Variants in GOLGB1 observed in about 807,000 individuals in gnomAD.
The protein encoded by GOLGB1 is golgin subfamily B member 1.
A neutral mutation model predicts 336.9 loss-of-function variants in GOLGB1; 174 were observed. That is an observed-to-expected ratio of 0.52 (90% confidence interval 0.46 to 0.59). GOLGB1 has a LOEUF of 0.59. Ranked by LOEUF, GOLGB1 falls within the 20% of genes least tolerant of loss-of-function variation. The pLI is 0.00. For missense variants in GOLGB1, 3,331 were observed against 3,645.3 expected (o/e 0.91, Z 2.22); for synonymous variants, 1,208 against 1,289.2 (o/e 0.94, Z 1.35).
At position 121,694,489 on chromosome 3, in the gene GOLGB1, C is replaced by A; in HGVS notation, c.6034G>T (p.Ala2012Ser). The A allele has an allele frequency of 6.2e-7, 1 of 1,611,440 alleles. No individual in the cohort carries two copies. The highest frequency in any genetic ancestry group is 1.1e-5 in the South Asian group (1 of 90,426). Residue 2012 changes from alanine to serine, a missense_variant, in exon 13 of 22, where the codon GCA becomes TCA. Transcript: ENST00000614479. ...AQKEPGNKSHAKELQELLKEK... is the reference protein window; with the variant it reads ...AQKEPGNKSHSKELQELLKEK... Reference sequence around the variant, plus strand: ...TTTAACAGTTCCTGAAGTTCCTTTGCATGGCTTTTATTTCCGGGTTCTTTC... The same window carrying A: ...TTTAACAGTTCCTGAAGTTCCTTTGAATGGCTTTTATTTCCGGGTTCTTTC...
chr3:121,727,312 ATATATATATTT>A (rs1314083877), intron 4 of GOLGB1, among the ~76,000 whole-genome samples: 6 of 35,542 alleles, frequency 1.7e-4, no homozygotes, highest in Non-Finnish European at 3.5e-4. Flanking sequence ...ATATATATAT[ATATATATATTT>A]TTTTTTTTTT....
rs747516596 is a variant in GOLGB1, at chr3:121,697,951, G to A, written c.2572C>T (p.Arg858Cys). 9.9e-6 allele frequency: 16 copies of A among 1,613,926 alleles called. No homozygotes were observed. Among genetic ancestry groups the A allele is most frequent in the South Asian group, 6.6e-5 (6 of 91,084 alleles). Residue 858 changes from arginine (R) to cysteine (C), a missense_variant, in exon 13 of 22, where the codon CGT becomes TGT. Coordinates refer to ENST00000614479, the MANE Select transcript of GOLGB1 (RefSeq NM_001366282.2). ...ACTTTACTTGAGATATGCCTTACAC[G>A]TTCTGCCCCCTCAAGCACTTCACTT... is the stretch of plus-strand genomic sequence containing the variant. ...KESEVLEGAE[R>C]VRHISSKVEE...
intron 10 of GOLGB1, among the ~76,000 whole-genome samples, chr3:121,710,873 A>C (rs1944306009): frequency 7.2e-6 from 1 of 138,704 alleles, no homozygotes; most frequent in Admixed American, 7.0e-5. Flanking sequence ...AAAATAAGTA[A>C]AATTTTAAAA....
In GOLGB1 at chr3:121,698,735, C is replaced by G; in HGVS notation, c.1788G>C (p.Glu596Asp). 1 of 1,613,558 alleles carries G rather than the reference C, an allele frequency of 6.2e-7. No individual in the cohort carries two copies. Among genetic ancestry groups the G allele is most frequent in the Non-Finnish European group, 8.5e-7 (1 of 1,179,606 alleles). The stretch of plus-strand genomic sequence containing the variant: ...GTTTCATTTCTTTCTGGTCAAGGAC[C>G]TCATGATCTGCTTCCTCAGCCCTTT... Reference protein sequence around the residue: ...QGKRAEEADHEVLDQKEMKQM... With the variant: ...QGKRAEEADHDVLDQKEMKQM... The change falls in exon 13 of 22, where the codon GAG (glutamate) becomes GAC (aspartate). Residue 596 changes from glutamate to aspartate, a missense_variant. By Grantham distance (45) the Glu-to-Asp change is conservative. Transcript: ENST00000614479.
chr3:121,715,055 T>C, intron 9 of GOLGB1, 79 bp from the exon 10 acceptor site: 2 of 767,178 alleles, frequency 2.6e-6, no homozygotes, highest in Non-Finnish European at 4.5e-6. Context: ...AAAGATACAC[T>C]GTATGCTGTT....
intron 17 of GOLGB1, among the ~76,000 whole-genome samples, chr3:121,674,051 T>C (rs1939975926): frequency 6.6e-6 from 1 of 152,196 alleles, no homozygotes; most frequent in South Asian, 2.1e-4. Flanking sequence ...TTTTCCAGAT[T>C]GTTTGCTGTT....
At chr3:121,747,628 GC>G (rs1947461175) in intron 1 of GOLGB1, among the ~76,000 whole-genome samples, 1 of 151,720 alleles carries the variant, frequency 6.6e-6, no homozygotes, top group South Asian at 2.1e-4. Flanking sequence ...GTACTAAATG[GC>G]AAAAGCATGT....
chr3:121,665,261 A>G (rs928211313), intron 20 of GOLGB1, among the ~76,000 whole-genome samples: 7 of 152,244 alleles, frequency 4.6e-5, no homozygotes, highest in African/African-American at 1.7e-4. Context: ...CTCACTATGT[A>G]TCAGGCTCTA....
At chr3:121,727,190 G>A (rs1945681558) in intron 4 of GOLGB1, 149 bp from the exon 5 acceptor site, 1 of 389,738 alleles carries the variant, frequency 2.6e-6, no homozygotes, top group African/African-American at 2.2e-5. Flanking sequence ...TAACAAATAA[G>A]AAATCTTAGG....
chr3:121,746,894 C>G (rs900034998), intron 1 of GOLGB1, among the ~76,000 whole-genome samples: 1 of 151,006 alleles, frequency 6.6e-6, no homozygotes, highest in South Asian at 2.1e-4. Context: ...TCACATAGTT[C>G]GACAAAGCTT....
In GOLGB1 at chr3:121,697,436, C is replaced by G; in HGVS notation, c.3087G>C (p.Lys1029Asn). 6.2e-7 allele frequency: 1 copy of G among 1,611,388 alleles called. No homozygotes were observed. The highest frequency in any genetic ancestry group is 8.5e-7 in the Non-Finnish European group (1 of 1,179,494). Residue 1029 changes from lysine to asparagine, a missense_variant, in exon 13 of 22, where the codon AAG becomes AAC. Lys to Asn is a moderately conservative substitution (Grantham distance 94). Transcript: ENST00000614479. ...CAGTCTCACTGAGTGGGATTTCTTT[C>G]TTAGATTCATCTTTCAAGTTGGCTA... The part of the protein sequence containing the change: ...EELANLKDES[K>N]KEIPLSETER...
chr3:121,727,287 C>CAA (rs1316465763), intron 4 of GOLGB1, among the ~76,000 whole-genome samples: 1 of 47,630 alleles, frequency 2.1e-5, no homozygotes, highest in African/African-American at 5.9e-5. Flanking sequence ...TACATACACA[C>CAA]ACACACATAT....
chr3:121,696,095 A>T lies in GOLGB1; in HGVS notation c.4428T>A (p.Ile1476=), dbSNP rs1390431360. The stretch of plus-strand genomic sequence containing the variant: ...GTTGCTTTGCTCTACTTTCTTCTCC[A>T]ATCTCTTCTGGTTTTTGCTTCATTT... The part of the protein sequence containing the change: ...LCEMKQKPEE[I]GEESRAKQQI... Residue 1476 remains isoleucine (I), a synonymous_variant, in exon 13 of 22, where the codon ATT becomes ATA. Coordinates refer to ENST00000614479, the MANE Select transcript of GOLGB1 (RefSeq NM_001366282.2). The T allele has an allele frequency of 2.5e-6, 4 of 1,613,780 alleles. No individual in the cohort carries two copies. The highest frequency in any genetic ancestry group is 1.7e-6 in the Non-Finnish European group (2 of 1,179,930).
At chr3:121,704,864 T>TA (rs908167793) in intron 10 of GOLGB1, among the ~76,000 whole-genome samples, 5 of 151,270 alleles carry the variant, frequency 3.3e-5, no homozygotes, top group African/African-American at 1.2e-4. Flanking sequence ...AGAATAAAAG[T>TA]AAAATAAAGA....
intron 10 of GOLGB1, among the ~76,000 whole-genome samples, chr3:121,706,927 G>T (rs1047188441): frequency 2.0e-5 from 3 of 151,560 alleles, no homozygotes; most frequent in Non-Finnish European, 4.4e-5. Flanking sequence ...TAGAACCCAT[G>T]ACTGGCCAGG....
chr3:121,733,092 G>C (rs1213008853), intron 1 of GOLGB1, among the ~76,000 whole-genome samples: 1 of 151,654 alleles, frequency 6.6e-6, no homozygotes, highest in African/African-American at 2.4e-5. Context: ...GGGAGGCCAG[G>C]GCGGGCGGAT....
chr3:121,681,342 T>C (rs1322830787), intron 15 of GOLGB1, among the ~76,000 whole-genome samples: 1 of 152,224 alleles, frequency 6.6e-6, no homozygotes, highest in African/African-American at 2.4e-5. Flanking sequence ...GGAATGTGAC[T>C]ATAAACTAGT....
chr3:121,749,407 TG>T (rs1947604149), intron 1 of GOLGB1, among the ~76,000 whole-genome samples: 1 of 151,924 alleles, frequency 6.6e-6, no homozygotes, highest in East Asian at 1.9e-4. Context: ...CTGCGCAGGG[TG>T]ACCCCGAAGG....
At position 121,692,200 on chromosome 3, in the gene GOLGB1, C is replaced by A. The variant is rs747849161; in HGVS notation, c.7164G>T (p.Lys2388Asn). 4 of 1,599,796 alleles carry A rather than the reference C, an allele frequency of 2.5e-6. No individual in the cohort carries two copies. Among genetic ancestry groups the A allele is most frequent in the Non-Finnish European group, 2.6e-6 (3 of 1,175,986 alleles). Residue 2388 changes from lysine to asparagine, a missense_variant, in exon 14 of 22, where the codon AAG becomes AAT. Transcript: ENST00000614479. ...CCTTGCCAGAAAGCAGGCTTATAAT[C>A]TTTTGCTCTTTCATATTTATTTCTT... The part of the protein sequence containing the change: ...LHEEINMKEQ[K>N]IISLLSGKEE...
Sources: gnomAD v4.1 joint callset for allele counts (sites outside exome capture counted in the v4.1 genomes callset) on GRCh38, gnomAD v4.1.1 for gene constraint, MANE v1.5 for transcripts, NCBI Gene and HGNC (gene_info 2026-07-23, HGNC 2026-07-21) for gene names.